The following WSB1 variants were observed in gnomAD, a reference collection of about 807,000 sequenced individuals.
WSB1 encodes WD repeat and SOCS box containing 1.
Under a neutral mutation model 50.2 loss-of-function variants are expected in WSB1, and 23 were observed. The observed-to-expected ratio is 0.46, with a 90% CI of 0.33 to 0.65. The LOEUF is 0.65. WSB1 is among the 30% of genes least tolerant of loss of function. WSB1 has a pLI of 0.02. For missense variants in WSB1, 492 were observed against 522.3 expected, an observed-to-expected ratio of 0.94 and a Z score of 0.56; for synonymous variants, 179 against 172.0, an observed-to-expected ratio of 1.04 and a Z score of -0.32.
intron 4 of WSB1, among the ~76,000 whole-genome samples, chr17:27,306,202 CTTTT>C (rs907711059): frequency 5.7e-4 from 36 of 63,128 alleles, no homozygotes; most frequent in African/African-American, 9.2e-4. Context: ...AGAATTCTGT[CTTTT>C]TTTTTTTTTT....
At chr17:27,303,662 AT>A in intron 3 of WSB1, 27 bp downstream of exon 3, 1 of 1,606,460 alleles carries the variant, frequency 6.2e-7, no homozygotes, top group Middle Eastern at 1.7e-4. Context: ...TTTAAAGCAA[AT>A]GTATTATTTT....
intron 6 of WSB1, 27 bp from the exon 7 acceptor site, chr17:27,310,032 ATC>A: frequency 6.3e-7 from 1 of 1,591,450 alleles, no homozygotes; most frequent in South Asian, 1.1e-5. Context: ...AGTGACTGAT[ATC>A]CACTGAAAAC....
intron 3 of WSB1, 104 bp from the exon 4 acceptor site, chr17:27,304,675 GC>G: frequency 8.6e-7 from 1 of 1,159,022 alleles, no homozygotes. Flanking sequence ...TTACGCCATT[GC>G]ACTCCAGCCT....
intron 8 of WSB1, 136 bp from the exon 9 acceptor site, chr17:27,312,074 A>G (rs1439769781): frequency 5.8e-6 from 6 of 1,037,860 alleles, no homozygotes; most frequent in Non-Finnish European, 8.3e-6. Context: ...ATCATTGGTT[A>G]GTTCTTCCTG....
At chr17:27,309,387 A>G (rs1363858780) in intron 6 of WSB1, 115 bp downstream of exon 6, 1 of 967,566 alleles carries the variant, frequency 1.0e-6, no homozygotes, top group Non-Finnish European at 1.5e-6. Context: ...CTAATTTAAA[A>G]TGTTGGTATT....
At chr17:27,294,580 G>A (rs1301780263) in intron 1 of WSB1, 145 bp downstream of exon 1, 2 of 1,151,618 alleles carry the variant, frequency 1.7e-6, no homozygotes, top group Non-Finnish European at 2.4e-6. Context: ...GGAGGAAGCC[G>A]CCTCGGTGGG....
At chr17:27,312,138 AGTT>A (rs1281752682) in intron 8 of WSB1, 69 bp from the exon 9 acceptor site, 36 of 1,532,388 alleles carry the variant, frequency 2.3e-5, no homozygotes, top group Non-Finnish European at 2.9e-5. Context: ...ATTGGGTGAT[AGTT>A]GTTTGAGCTG....
chr17:27,298,618 C>T (rs1312638996), intron 1 of WSB1, among the ~76,000 whole-genome samples: 1 of 151,850 alleles, frequency 6.6e-6, no homozygotes, highest in Non-Finnish European at 1.5e-5. Flanking sequence ...TTTGGGAGGC[C>T]GAGGCGGGCG....
In WSB1 at chr17:27,311,550, A is replaced by G. The variant is rs774740892; in HGVS notation, c.1040A>G (p.Gln347Arg). The G allele has an allele frequency of 1.9e-6, 3 of 1,612,180 alleles. No homozygotes were observed. The highest frequency in any genetic ancestry group is 2.2e-5 in the East Asian group (1 of 44,800). The change falls in exon 8 of 9, where the codon CAA becomes CGA. Residue 347 changes from glutamine (Q) to arginine (R), a missense_variant. Coordinates refer to ENST00000262394, the MANE Select transcript of WSB1 (RefSeq NM_015626.10). ...AGAATTGATGAGGATTATCCAGTGC[A>G]AGTTGCACCTTTGAGCAATGGTCTT... ...FWRIDEDYPV[Q>R]VAPLSNGLCC...
intron 4 of WSB1, 26 bp from the exon 5 acceptor site, chr17:27,306,756 A>G: frequency 6.2e-7 from 1 of 1,607,662 alleles, no homozygotes. Flanking sequence ...TTCTAGGGTT[A>G]ATACAGATTA....
Position 27,312,524 on chromosome 17 carries a change from ATAT to A in WSB1, c.*160_*162del, listed in dbSNP as rs1000171764. 1.6e-5 allele frequency: 15 copies of A among 943,284 alleles called. No homozygotes were observed. Among genetic ancestry groups the A allele is most frequent in the African/African-American group, 3.4e-5 (2 of 59,110 alleles). The allele number at this position is 943,284 out of a possible 1,614,324, so 58.4% of individuals were successfully genotyped here. A position where few individuals can be genotyped will look rare whatever the true frequency, so the allele number is the denominator to read the frequency against. On this transcript the variant is annotated 3_prime_UTR_variant, in exon 9 of 9. Transcript: ENST00000262394. ...CATTTTGATCAGTTGAGCTTTTAAAATATTATTTATAGACAATAGAAGTATTTC... is the reference window on the plus strand; with the variant it reads ...CATTTTGATCAGTTGAGCTTTTAAAATATTTATAGACAATAGAAGTATTTC...
At chr17:27,310,029 G>T in intron 6 of WSB1, 32 bp from the exon 7 acceptor site, 1 of 1,582,794 alleles carries the variant, frequency 6.3e-7, no homozygotes, top group Non-Finnish European at 8.7e-7. Flanking sequence ...TGAAGTGACT[G>T]ATATCCACTG....
chr17:27,307,043 ATATAGT>A (rs2017491616), intron 5 of WSB1, 161 bp downstream of exon 5: 1 of 683,216 alleles, frequency 1.5e-6, no homozygotes, highest in Non-Finnish European at 2.4e-6. Flanking sequence ...AGGAAATTAA[ATATAGT>A]TATTGATTGC....
At chr17:27,303,216 C>T (rs2017306900) in intron 2 of WSB1, 151 bp from the exon 3 acceptor site, 1 of 836,764 alleles carries the variant, frequency 1.2e-6, no homozygotes, top group Middle Eastern at 2.9e-4. Context: ...CAAATATCAA[C>T]CTTTCCCTTC....
rs749736351 is a variant in WSB1, at chr17:27,303,489, G to T, written c.332G>T (p.Trp111Leu). 3 of 1,614,136 alleles carry T rather than the reference G, an allele frequency of 1.9e-6. No homozygotes were observed. The South Asian group carries it at 3.3e-5, about 18-fold the overall frequency. ...ATTATAGACTGTGGAGATATAGTCTGGAGTCTTGCTTTTGGGTCATCAGTT... is the reference window on the plus strand; with the variant it reads ...ATTATAGACTGTGGAGATATAGTCTTGAGTCTTGCTTTTGGGTCATCAGTT... Reference protein sequence around the residue: ...EHIIDCGDIVWSLAFGSSVPE... With the variant: ...EHIIDCGDIVLSLAFGSSVPE... The change falls in exon 3 of 9, where the codon TGG becomes TTG. Residue 111 changes from tryptophan to leucine, a missense_variant. By Grantham distance (61) the Trp-to-Leu change is moderately conservative. Transcript: ENST00000262394.
chr17:27,294,358 T>A lies in WSB1; in HGVS notation c.-38T>A. ...CGCCACTCTCTTCTCTGTTGTTGGGTCCGCATCGTATTCCCGGAATCAGAC... is the reference window on the plus strand; with the variant it reads ...CGCCACTCTCTTCTCTGTTGTTGGGACCGCATCGTATTCCCGGAATCAGAC... On this transcript the variant is annotated 5_prime_UTR_variant, in exon 1 of 9. Coordinates refer to ENST00000262394, the MANE Select transcript of WSB1 (RefSeq NM_015626.10). 6.2e-7 allele frequency: 1 copy of A among 1,611,984 alleles called. No homozygotes were observed. The highest frequency in any genetic ancestry group is 8.5e-7 in the Non-Finnish European group (1 of 1,178,696).
At chr17:27,299,456 C>T (rs759580018) in intron 1 of WSB1, among the ~76,000 whole-genome samples, 10 of 152,148 alleles carry the variant, frequency 6.6e-5, no homozygotes, top group African/African-American at 1.2e-4. Flanking sequence ...GGCTACAGTG[C>T]GCAGTTATTG....
chr17:27,306,494 C>G (rs1422985147), intron 4 of WSB1, among the ~76,000 whole-genome samples: 1 of 152,126 alleles, frequency 6.6e-6, no homozygotes, highest in Non-Finnish European at 1.5e-5. Context: ...GAATTACAGA[C>G]AAGAGCCACC....
chr17:27,308,919 G>A (rs1332832549), intron 5 of WSB1, 181 bp from the exon 6 acceptor site: 4 of 1,218,182 alleles, frequency 3.3e-6, no homozygotes, highest in Non-Finnish European at 4.1e-6. Context: ...TTGCATGTCT[G>A]CCTTAATTAA....
Sources: gnomAD v4.1 joint callset for allele counts (sites outside exome capture counted in the v4.1 genomes callset) on GRCh38, gnomAD v4.1.1 for gene constraint, MANE v1.5 for transcripts, NCBI Gene and HGNC (gene_info 2026-07-23, HGNC 2026-07-21) for gene names.